The following CADPS2 variants were observed in gnomAD, a reference collection of about 807,000 sequenced individuals.
The protein encoded by CADPS2 is calcium-dependent secretion activator 2.
A neutral mutation model predicts 172.5 loss-of-function variants in CADPS2; 93 were observed. That is an observed-to-expected ratio of 0.54 (90% CI 0.46 to 0.64). The LOEUF is 0.64. Ranked by LOEUF, CADPS2 falls within the 30% of genes least tolerant of loss-of-function variation. The pLI, the probability that CADPS2 is intolerant of heterozygous loss-of-function variation, is 0.00. For synonymous variants in CADPS2, 546 were observed against 555.2 expected (o/e 0.98, Z 0.23); for missense variants, 1,420 against 1,565.9 (o/e 0.91, Z 1.57).
chr7:122,325,616 CA>C, intron 28 of CADPS2, 35 bp from the exon 29 acceptor site: 7 of 1,376,320 alleles, frequency 5.1e-6, no homozygotes, highest in Non-Finnish European at 3.1e-6. Flanking sequence ...GGGAGGAGAA[CA>C]AAAAAAGAAA....
chr7:122,863,098 T>C (rs1817384128), intron 1 of CADPS2, among the ~76,000 whole-genome samples: 1 of 152,206 alleles, frequency 6.6e-6, no homozygotes, highest in East Asian at 1.9e-4. Flanking sequence ...ACAAGCATCC[T>C]GTATTGATAA....
Position 122,340,855 on chromosome 7 carries a change from TAAAAA to T in CADPS2, c.3612+4714_3612+4718del, listed in dbSNP as rs5887084. Among the ~76,000 whole-genome samples the T allele has an allele frequency of 3.5e-3, 485 of 137,792 alleles. 4 individuals are homozygous for T. Among genetic ancestry groups the T allele is most frequent in the African/African-American group, 0.011 (426 of 37,568 alleles). The allele number at this position is 137,792 out of a possible 152,430, so 90.4% of individuals were successfully genotyped here. ...CTGCTCACAATGATGCCTTATGTGT[TAAAAA>T]AAAAAAAAAAAAAGGACATTGGTGT... is the stretch of plus-strand genomic sequence containing the variant. On this transcript the variant is annotated intron_variant, in intron 28 of 29. Transcript: ENST00000449022.
intron 8 of CADPS2, among the ~76,000 whole-genome samples, chr7:122,524,063 C>T (rs2061016656): frequency 6.6e-6 from 1 of 152,128 alleles, no homozygotes; most frequent in South Asian, 2.1e-4. Context: ...AAATGATTTA[C>T]TTATGCAATC....
intron 8 of CADPS2, among the ~76,000 whole-genome samples, chr7:122,533,638 T>G (rs979168498): frequency 6.6e-6 from 1 of 152,164 alleles, no homozygotes; most frequent in Non-Finnish European, 1.5e-5. Flanking sequence ...TCCAGAAGTC[T>G]CATGTTATTT....
At chr7:122,600,750 T>C (rs1227638219) in intron 6 of CADPS2, among the ~76,000 whole-genome samples, 3 of 152,102 alleles carry the variant, frequency 2.0e-5, no homozygotes, top group Non-Finnish European at 4.4e-5. Flanking sequence ...TCCTATTTAC[T>C]AAAAGTTTCG....
At chr7:122,697,023 A>C (rs2136166425) in intron 2 of CADPS2, among the ~76,000 whole-genome samples, 1 of 152,258 alleles carries the variant, frequency 6.6e-6, no homozygotes, top group East Asian at 1.9e-4. Context: ...TTAAGAAAAC[A>C]AATTGGGGAG....
Position 122,449,566 on chromosome 7 carries a change from C to T in CADPS2, c.2288+1808G>A, listed in dbSNP as rs146252225. Among the ~76,000 whole-genome samples the T allele has an allele frequency of 7.4e-3, 1,124 of 152,212 alleles. 11 individuals are homozygous for T. Among genetic ancestry groups the T allele is most frequent in the African/African-American group, 0.025 (1,052 of 41,538 alleles). On this transcript the variant is annotated intron_variant, in intron 15 of 29. Coordinates refer to ENST00000449022, the MANE Select transcript of CADPS2 (RefSeq NM_017954.11). ...TGAACTCCTGGGCTCAAGCAACCTT[C>T]CCTCCTAAAGTGCTGGGATTATAGG...
At position 122,351,372 on chromosome 7, in the gene CADPS2, CAAAAAAAAAAAAAA is replaced by C. The variant is rs398048049; in HGVS notation, c.3505-5705_3505-5692del. On this transcript the variant is annotated intron_variant, in intron 27 of 29. Transcript: ENST00000449022. ...TGGGTGACAGAGCGAGACTCCGTCTCAAAAAAAAAAAAAAAAAAAAAAAAAAAAAAATTCCAAAC... is the reference window on the plus strand; with the variant it reads ...TGGGTGACAGAGCGAGACTCCGTCTCAAAAAAAAAAAAAAAAATTCCAAAC... Among the ~76,000 whole-genome samples, 42 of 28,928 alleles carry C rather than the reference CAAAAAAAAAAAAAA, an allele frequency of 1.5e-3. 2 individuals are homozygous for C. Among genetic ancestry groups the C allele is most frequent in the South Asian group, 2.8e-3 (1 of 362 alleles). 19.0% of individuals were successfully genotyped at this position (28,928 alleles called of 152,430 possible).
At chr7:122,551,662 C>A (rs2064319218) in intron 8 of CADPS2, among the ~76,000 whole-genome samples, 1 of 151,896 alleles carries the variant, frequency 6.6e-6, no homozygotes, top group African/African-American at 2.4e-5. Context: ...ATTTTTAATC[C>A]ACCTAACAAC....
rs571519630 is a variant in CADPS2 at position 122,374,564 on chromosome 7, T to G, written c.3387+4804A>C. On this transcript the variant is annotated intron_variant, in intron 25 of 29. Transcript: ENST00000449022. ...CCCTAAAGACTCTACAAAAAAGAAC[T>G]GTTAGAATAAACAAATTCAGTAAAG... 6.6e-5 allele frequency among the ~76,000 whole-genome samples: 10 copies of G among 152,236 alleles called. No individual in the cohort carries two copies. The South Asian group carries it at 1.9e-3, about 28-fold the overall frequency.
In CADPS2 at chr7:122,736,866, A is replaced by G. The variant is rs1038595158; in HGVS notation, c.453+89T>C. ...TTCACAGCCTTCCTGTCAGACCAGC[A>G]AGCTTCTTTAAAATGAGAAACCCAT... is the stretch of plus-strand genomic sequence containing the variant. On this transcript the variant is annotated intron_variant, in intron 2 of 29. Coordinates refer to ENST00000449022, the MANE Select transcript of CADPS2 (RefSeq NM_017954.11). The G allele has an allele frequency of 1.8e-5, 12 of 683,796 alleles. No individual in the cohort carries two copies. In the African/African-American group the frequency reaches 1.8e-4, roughly 10 times the overall value. The allele number at this position is 683,796 out of a possible 1,614,324, so 42.4% of individuals were successfully genotyped here.
intron 1 of CADPS2, among the ~76,000 whole-genome samples, chr7:122,803,683 T>C (rs1798131218): frequency 6.6e-6 from 1 of 152,204 alleles, no homozygotes; most frequent in African/African-American, 2.4e-5. Flanking sequence ...TAGTATTCTT[T>C]GATGGTAGTT....
At chr7:122,712,369 A>C (rs58199807) in intron 2 of CADPS2, among the ~76,000 whole-genome samples, 10,124 of 152,212 alleles carry the variant, frequency 0.067, 391 homozygotes, top group South Asian at 0.17. Flanking sequence ...TAGAAGCACA[A>C]TCTAAGAACC....
intron 5 of CADPS2, 95 bp downstream of exon 5, chr7:122,621,386 G>C: frequency 1.2e-6 from 1 of 826,818 alleles, no homozygotes; most frequent in Middle Eastern, 2.8e-4. Flanking sequence ...ATATTACACT[G>C]TTTTAAATTC....
intron 27 of CADPS2, among the ~76,000 whole-genome samples, chr7:122,346,742 C>G (rs1218803262): frequency 6.6e-6 from 1 of 152,142 alleles, no homozygotes; most frequent in Non-Finnish European, 1.5e-5. Context: ...TACAATTTCT[C>G]CTTGCTATAG....
At chr7:122,376,042 T>A (rs116961652) in intron 25 of CADPS2, among the ~76,000 whole-genome samples, 2,344 of 152,260 alleles carry the variant, frequency 0.015, 30 homozygotes, top group Non-Finnish European at 0.024. Flanking sequence ...AGATATTAGC[T>A]CACATCTGTT....
intron 15 of CADPS2, among the ~76,000 whole-genome samples, chr7:122,444,136 T>C (rs1386305991): frequency 6.6e-6 from 1 of 152,170 alleles, no homozygotes; most frequent in Non-Finnish European, 1.5e-5. Context: ...ATTCATGCTG[T>C]TGTATATATC....
At chr7:122,345,966 A>G (rs984600920) in intron 27 of CADPS2, among the ~76,000 whole-genome samples, 10 of 146,482 alleles carry the variant, frequency 6.8e-5, no homozygotes, top group Admixed American at 2.1e-4. Flanking sequence ...CAGTATGTCA[A>G]GCAGTATAAA....
At chr7:122,470,665 T>G (rs1480228912) in intron 14 of CADPS2, among the ~76,000 whole-genome samples, 2 of 151,956 alleles carry the variant, frequency 1.3e-5, no homozygotes, top group African/African-American at 4.8e-5. Context: ...CAGCTAATTT[T>G]TATATTTTTT....
Sources: allele counts gnomAD v4.1 joint callset (sites outside exome capture counted in the v4.1 genomes callset), GRCh38; gene constraint gnomAD v4.1.1; transcripts MANE v1.5; gene names NCBI Gene and HGNC (gene_info 2026-07-23, HGNC 2026-07-21).